The following TMEM135 variants were observed in gnomAD, a reference collection of about 807,000 sequenced individuals.
The protein encoded by TMEM135 is transmembrane protein 135.
TMEM135 carries 30 observed loss-of-function variants against 60.3 expected under a neutral mutation model. The ratio of observed to expected loss-of-function variants is 0.50; its 90% CI spans 0.37 to 0.68. The LOEUF is 0.68. Ranked by LOEUF, TMEM135 falls within the 30% of genes least tolerant of loss-of-function variation. TMEM135 has a pLI of 0.00. For missense variants in TMEM135, 468 were observed against 548.8 expected (o/e 0.85, Z 1.47); for synonymous variants, 190 against 186.7 (o/e 1.02, Z -0.14).
At chr11:87,231,015 T>C (rs576997610) in intron 5 of TMEM135, among the ~76,000 whole-genome samples, 25 of 152,124 alleles carry the variant, frequency 1.6e-4, no homozygotes, top group African/African-American at 5.8e-4. Flanking sequence ...AGATCCTGGA[T>C]ATTAAGTATT....
At chr11:87,238,351 T>C (rs1165111944) in intron 6 of TMEM135, among the ~76,000 whole-genome samples, 2 of 152,038 alleles carry the variant, frequency 1.3e-5, no homozygotes, top group Admixed American at 1.3e-4. Flanking sequence ...AAAATGATGA[T>C]GTTACTGTAA....
In TMEM135 at chr11:87,189,917, TAATG is replaced by T. The variant is rs549267768; in HGVS notation, c.462+32531_462+32534del. On this transcript the variant is annotated intron_variant, in intron 5 of 14. Coordinates refer to ENST00000305494, the MANE Select transcript of TMEM135 (RefSeq NM_022918.4). ...GGTGACAGAGCAAGATCCTGTCTCA[TAATG>T]AATGAATGAATGAATGAATAAATAA... Among the ~76,000 whole-genome samples, 192 of 151,894 alleles carry T rather than the reference TAATG, an allele frequency of 1.3e-3. 1 individual carries two copies. In the South Asian group the frequency reaches 0.015, roughly 12 times the overall value.
At position 87,323,693 on chromosome 11, in the gene TMEM135, T is replaced by C. The variant is rs368714151; in HGVS notation, c.*2360T>C. 31 of 452,966 alleles carry C rather than the reference T, an allele frequency of 6.8e-5. No homozygotes were observed. The East Asian group carries it at 1.5e-3, about 22-fold the overall frequency. The allele number at this position is 452,966 out of a possible 1,614,324, so 28.1% of individuals were successfully genotyped here. A position where few individuals can be genotyped will look rare whatever the true frequency, so the allele number is the denominator to read the frequency against. On this transcript the variant is annotated 3_prime_UTR_variant, in exon 15 of 15. Coordinates refer to ENST00000305494, the MANE Select transcript of TMEM135 (RefSeq NM_022918.4). ...AGTGGTATTATGGTCATTTCGTTGCTATTTTCTGTTTTAATAAAATCCTAG... is the reference window on the plus strand; with the variant it reads ...AGTGGTATTATGGTCATTTCGTTGCCATTTTCTGTTTTAATAAAATCCTAG...
intron 3 of TMEM135, among the ~76,000 whole-genome samples, chr11:87,078,516 A>G (rs868157780): frequency 1.3e-5 from 2 of 152,142 alleles, no homozygotes; most frequent in Non-Finnish European, 2.9e-5. Flanking sequence ...TCTCCCATTC[A>G]GAGTGTTGTT....
chr11:87,222,100 T>G (rs1940633063), intron 5 of TMEM135, among the ~76,000 whole-genome samples: 1 of 132,564 alleles, frequency 7.5e-6, no homozygotes, highest in South Asian at 2.5e-4. Flanking sequence ...GAGAATGGCG[T>G]GAACCCGGGG....
At chr11:87,057,406 G>A (rs1053807545) in intron 1 of TMEM135, among the ~76,000 whole-genome samples, 1 of 152,100 alleles carries the variant, frequency 6.6e-6, no homozygotes, top group African/African-American at 2.4e-5. Flanking sequence ...AGTTGCCCTA[G>A]TTTTTTGGCT....
chr11:87,071,917 C>T lies in TMEM135; in HGVS notation c.362+302C>T, dbSNP rs182357992. ...ATGGCTATGCAAATTCTAGGCCAGG[C>T]AGCTCATTCCTGTAATCCCAGCACC... On this transcript the variant is annotated intron_variant, in intron 3 of 14. Coordinates refer to ENST00000305494, the MANE Select transcript of TMEM135 (RefSeq NM_022918.4). Among the ~76,000 whole-genome samples the T allele has an allele frequency of 1.6e-3, 251 of 152,144 alleles. 2 individuals are homozygous for T. The highest frequency in any genetic ancestry group is 5.7e-3 in the African/African-American group (235 of 41,506).
chr11:87,152,493 C>T lies in TMEM135; in HGVS notation c.397-4848C>T, dbSNP rs564485312. ...TTTTGAGACGGATTTTCACTCTTGA[C>T]GCCCAGGCTGGGCTTGGCTCACTGC... On this transcript the variant is annotated intron_variant, in intron 4 of 14. Transcript: ENST00000305494. Among the ~76,000 whole-genome samples the T allele has an allele frequency of 3.9e-5, 6 of 152,288 alleles. No individual in the cohort carries two copies. In the East Asian group the frequency reaches 5.8e-4, roughly 15 times the overall value.
intron 4 of TMEM135, among the ~76,000 whole-genome samples, chr11:87,106,347 A>G (rs1857596557): frequency 1.3e-5 from 2 of 152,042 alleles, no homozygotes; most frequent in African/African-American, 4.8e-5. Flanking sequence ...CAGCTGACCC[A>G]TCCGCCTTAG....
chr11:87,206,857 C>T (rs1280359128), intron 5 of TMEM135, among the ~76,000 whole-genome samples: 1 of 151,888 alleles, frequency 6.6e-6, no homozygotes, highest in Non-Finnish European at 1.5e-5. Flanking sequence ...TATCTCTGTG[C>T]CTAGAGGCTT....
In TMEM135 at chr11:87,306,327, T is replaced by G. The variant is rs1320995981; in HGVS notation, c.768+322T>G. ...AAAATTTGTACTTTGTAATGTATCC[T>G]CATTAGAACTACATCTTAGAACAAG... On this transcript the variant is annotated intron_variant, in intron 9 of 14. Coordinates refer to ENST00000305494, the MANE Select transcript of TMEM135 (RefSeq NM_022918.4). 2.0e-5 allele frequency among the ~76,000 whole-genome samples: 3 copies of G among 152,238 alleles called. No individual in the cohort carries two copies. In the East Asian group the frequency reaches 5.8e-4, roughly 29 times the overall value.
intron 1 of TMEM135, among the ~76,000 whole-genome samples, chr11:87,047,663 T>A (rs1590977633): frequency 8.3e-6 from 1 of 120,764 alleles, no homozygotes; most frequent in South Asian, 2.9e-4. Flanking sequence ...CAGAGGGTCC[T>A]ACACCCACGG....
intron 5 of TMEM135, among the ~76,000 whole-genome samples, chr11:87,218,463 C>T (rs951944108): frequency 6.6e-6 from 1 of 152,214 alleles, no homozygotes; most frequent in African/African-American, 2.4e-5. Flanking sequence ...TTGGTCTCAT[C>T]AGGCTTAGCT....
intron 5 of TMEM135, among the ~76,000 whole-genome samples, chr11:87,190,977 A>G (rs1052179947): frequency 6.6e-6 from 1 of 152,102 alleles, no homozygotes; most frequent in African/African-American, 2.4e-5. Context: ...TTTATTCTTC[A>G]TTATTCCATA....
chr11:87,084,715 G>A (rs1857060479), intron 3 of TMEM135, among the ~76,000 whole-genome samples: 1 of 152,170 alleles, frequency 6.6e-6, no homozygotes, highest in Admixed American at 6.5e-5. Context: ...TAAAAGAAGG[G>A]AACAATGAGA....
rs543597453 is a variant in TMEM135 at position 87,086,992 on chromosome 11, G to T, written c.363-4370G>T. Among the ~76,000 whole-genome samples the T allele has an allele frequency of 3.3e-5, 5 of 152,236 alleles. No individual in the cohort carries two copies. In the South Asian group the frequency reaches 6.2e-4, roughly 19 times the overall value. ...TCTTAACTGCTTTCTGCTGATGGGG[G>T]TGCTGTTTTGGGAAAATGGCAGTCA... On this transcript the variant is annotated intron_variant, in intron 3 of 14. Coordinates refer to ENST00000305494, the MANE Select transcript of TMEM135 (RefSeq NM_022918.4).
At chr11:87,126,565 T>G (rs1203620323) in intron 4 of TMEM135, among the ~76,000 whole-genome samples, 5 of 150,480 alleles carry the variant, frequency 3.3e-5, no homozygotes, top group African/African-American at 1.2e-4. Context: ...CATTTAAAAG[T>G]GCTAAGGGTT....
chr11:87,311,106 T>C (rs907882621), intron 10 of TMEM135, among the ~76,000 whole-genome samples: 2 of 84,366 alleles, frequency 2.4e-5, no homozygotes, highest in South Asian at 8.2e-4. Context: ...TATATATATG[T>C]CTATATATAT....
Position 87,287,703 on chromosome 11 carries a change from A to T in TMEM135, c.510-8079A>T, listed in dbSNP as rs186441843. Among the ~76,000 whole-genome samples, 317 of 145,102 alleles carry T rather than the reference A, an allele frequency of 2.2e-3. 1 individual carries two copies. The highest frequency in any genetic ancestry group is 0.014 in the Middle Eastern group (4 of 284). ...AAATTAATAAATAATAAATAAATGT[A>T]TGTATGTATGTATGTATTTTTTATC... On this transcript the variant is annotated intron_variant, in intron 6 of 14. Transcript: ENST00000305494.
Sources: gnomAD v4.1 joint callset for allele counts (sites outside exome capture counted in the v4.1 genomes callset) on GRCh38, gnomAD v4.1.1 for gene constraint, MANE v1.5 for transcripts, NCBI Gene and HGNC (gene_info 2026-07-23, HGNC 2026-07-21) for gene names.